MGST3: variants seen among roughly 807,000 people sequenced by gnomAD.
MGST3 encodes microsomal glutathione S-transferase 3.
MGST3 carries 13 observed loss-of-function variants against 15.8 expected under a neutral mutation model. That is an observed-to-expected ratio of 0.82 (90% CI 0.54 to 1.31). MGST3 has a LOEUF of 1.31. Ranked by LOEUF, MGST3 falls within the 50% of genes most tolerant of loss-of-function variation. The pLI, the probability that MGST3 is intolerant of heterozygous loss-of-function variation, is 0.00. For missense variants in MGST3, 155 were observed against 192.4 expected (o/e 0.81, Z 1.15); for synonymous variants, 49 against 68.1 (o/e 0.72, Z 1.38).
chr1:165,655,336 CCTGGTAACTT>C, intron 5 of MGST3, 22 bp from the exon 6 acceptor site: 1 of 1,613,470 alleles, frequency 6.2e-7, no homozygotes, highest in Non-Finnish European at 8.5e-7. Flanking sequence ...CTGGAGCACT[CCTGGTAACTT>C]CTGTTCTTTC....
intron 3 of MGST3, 118 bp downstream of exon 3, chr1:165,651,205 C>A: frequency 1.2e-6 from 1 of 860,322 alleles, no homozygotes; most frequent in Non-Finnish European, 2.0e-6. Context: ...CAATCATGGG[C>A]ACCTCATTAA....
At chr1:165,645,080 C>T (rs1377881498) in intron 1 of MGST3, among the ~76,000 whole-genome samples, 1 of 151,842 alleles carries the variant, frequency 6.6e-6, no homozygotes, top group Admixed American at 6.6e-5. Flanking sequence ...TTCTTCATAT[C>T]CTTATTCTAT....
intron 4 of MGST3, 62 bp downstream of exon 4, chr1:165,652,097 C>A: frequency 8.7e-7 from 1 of 1,151,354 alleles, no homozygotes; most frequent in Non-Finnish European, 1.3e-6. Context: ...TTATCAGGGA[C>A]AGAAGAAGGA....
intron 1 of MGST3, chr1:165,632,378 C>T (rs886430446): frequency 7.9e-7 from 1 of 1,273,642 alleles, no homozygotes; most frequent in Non-Finnish European, 1.1e-6. Flanking sequence ...CTGTAGATCA[C>T]CTGGAGCCAG....
At chr1:165,639,272 GA>G (rs1054730526) in intron 1 of MGST3, among the ~76,000 whole-genome samples, 2 of 152,152 alleles carry the variant, frequency 1.3e-5, no homozygotes, top group African/African-American at 4.8e-5. Flanking sequence ...CTGAGTAAGG[GA>G]CAAACCCAGT....
At chr1:165,640,206 G>A (rs1648225555) in intron 1 of MGST3, among the ~76,000 whole-genome samples, 2 of 152,096 alleles carry the variant, frequency 1.3e-5, no homozygotes, top group South Asian at 4.2e-4. Flanking sequence ...AAGATACTGA[G>A]CTGGCTTACA....
intron 1 of MGST3, among the ~76,000 whole-genome samples, chr1:165,641,249 GTCATCATTCGAAGGTCAGGGCCT>G (rs1648257901): frequency 6.6e-6 from 1 of 152,202 alleles, no homozygotes; most frequent in Non-Finnish European, 1.5e-5. Context: ...TCAGTCTCCT[GTCATCATTCGAAGGTCAGGGCCT>G]TGAGGGCAGG....
chr1:165,641,286 C>G (rs1396384666), intron 1 of MGST3, among the ~76,000 whole-genome samples: 1 of 152,232 alleles, frequency 6.6e-6, no homozygotes, highest in African/African-American at 2.4e-5. Context: ...GGGCAGGACC[C>G]TTTCTTGTTC....
chr1:165,635,512 A>T (rs1187675768), intron 1 of MGST3, among the ~76,000 whole-genome samples: 1 of 152,072 alleles, frequency 6.6e-6, no homozygotes, highest in African/African-American at 2.4e-5. Flanking sequence ...ATAACCAAGA[A>T]CCATTCACTG....
At chr1:165,631,606 C>T (rs552842851) in intron 1 of MGST3, among the ~76,000 whole-genome samples, 3 of 152,246 alleles carry the variant, frequency 2.0e-5, no homozygotes, top group South Asian at 2.1e-4. Context: ...CTGCTGTCCC[C>T]GGGCTCTGCA....
At chr1:165,634,024 GTT>G (rs56190944) in intron 1 of MGST3, among the ~76,000 whole-genome samples, 5,511 of 138,446 alleles carry the variant, frequency 0.04, 97 homozygotes, top group Middle Eastern at 0.045. Context: ...CTTTCCCAAA[GTT>G]TTTTTTTTTT....
In MGST3 at chr1:165,655,448, C is replaced by T; in HGVS notation, c.403C>T (p.Gln135Ter). Residue 135 changes from glutamine to a stop codon, truncating the protein, a stop_gained, in exon 6 of 6, where the codon CAG becomes TAG. Transcript: ENST00000367889. LOFTEE classifies it high-confidence loss of function. ...GGGCACAACTGTGTGCTCTGCTTTC[C>T]AGCATCTTGGTTGGGTTAAAAGTGG... ...LVGTTVCSAF[Q>*]HLGWVKSGLG... 2 of 1,614,136 alleles carry T rather than the reference C, an allele frequency of 1.2e-6. No homozygotes were observed. Among genetic ancestry groups the T allele is most frequent in the Non-Finnish European group, 1.7e-6 (2 of 1,180,020 alleles).
intron 1 of MGST3, among the ~76,000 whole-genome samples, chr1:165,637,620 C>G (rs572309416): frequency 6.6e-6 from 1 of 152,128 alleles, no homozygotes; most frequent in African/African-American, 2.4e-5. Flanking sequence ...CAGTAAGATA[C>G]GTCAAATGGT....
chr1:165,644,741 G>A (rs1055725591), intron 1 of MGST3, among the ~76,000 whole-genome samples: 1 of 151,998 alleles, frequency 6.6e-6, no homozygotes, highest in African/African-American at 2.4e-5. Context: ...CATAAAAATT[G>A]TTTCTTTGTT....
chr1:165,639,136 C>T (rs1186097927), intron 1 of MGST3, among the ~76,000 whole-genome samples: 1 of 152,182 alleles, frequency 6.6e-6, no homozygotes, highest in African/African-American at 2.4e-5. Flanking sequence ...GCTCTTGGGC[C>T]CTGGCTCTGT....
Position 165,655,724 on chromosome 1 carries a change from C to G in MGST3, c.*220C>G. 3.5e-6 allele frequency: 2 copies of G among 578,714 alleles called. No homozygotes were observed. Among genetic ancestry groups the G allele is most frequent in the East Asian group, 6.1e-5 (2 of 32,960 alleles). The allele number at this position is 578,714 out of a possible 1,614,324, so 35.8% of individuals were successfully genotyped here. On this transcript the variant is annotated 3_prime_UTR_variant, in exon 6 of 6. Transcript: ENST00000367889. ...CCACAAGTATTGTGCCCTCTCCTCA[C>G]CCTTCCAGCAGATGCTTCTGTAGTA...
rs9287065 is a variant in MGST3 at position 165,651,269 on chromosome 1, G to A, written c.191+182G>A. The A allele has an allele frequency of 1.7e-3, 1,102 of 643,716 alleles. 7 individuals are homozygous for A. In the African/African-American group the frequency reaches 0.018, roughly 10 times the overall value. 39.9% of individuals were successfully genotyped at this position (643,716 alleles called of 1,614,324 possible). A position where few individuals can be genotyped will look rare whatever the true frequency, so the allele number is the denominator to read the frequency against. On this transcript the variant is annotated intron_variant, in intron 3 of 5. Transcript: ENST00000367889. ...CATTGACTATTAAGCAAACTTAAGAGTGGTTGGAATGGTGGGATTTCGGGA... is the reference window on the plus strand; with the variant it reads ...CATTGACTATTAAGCAAACTTAAGAATGGTTGGAATGGTGGGATTTCGGGA...
chr1:165,653,847 C>T, intron 4 of MGST3: 1 of 268,412 alleles, frequency 3.7e-6, no homozygotes, highest in Non-Finnish European at 7.2e-6. Context: ...AGAACAGCAG[C>T]TGAGTCTTCA....
At chr1:165,632,091 A>T (rs1008930130) in intron 1 of MGST3, 61 of 664,360 alleles carry the variant, frequency 9.2e-5, no homozygotes, top group Non-Finnish European at 1.5e-4. Flanking sequence ...TTCTGCTGAT[A>T]CTTTCCTTGA....
Sources: gnomAD v4.1 joint callset for allele counts (sites outside exome capture counted in the v4.1 genomes callset) on GRCh38, gnomAD v4.1.1 for gene constraint, MANE v1.5 for transcripts, NCBI Gene and HGNC (gene_info 2026-07-23, HGNC 2026-07-21) for gene names.